The following RAD50 variants were observed in gnomAD, a reference collection of about 807,000 sequenced individuals.
RAD50 encodes RAD50 double strand break repair protein, also known as DNA repair protein RAD50.
A neutral mutation model predicts 168.8 loss-of-function variants in RAD50; 132 were observed. The observed-to-expected ratio is 0.78, with a 90% CI of 0.68 to 0.90. The LOEUF (loss-of-function observed/expected upper bound fraction) is 0.90. Ranked by LOEUF, RAD50 falls within the 40% of genes least tolerant of loss-of-function variation. The pLI is 0.00. For missense variants in RAD50, 1,347 were observed against 1,534.4 expected (o/e 0.88, Z 2.04); for synonymous variants, 525 against 497.4 (o/e 1.06, Z -0.74).
chr5:132,583,085 A>G (rs1750533265), intron 5 of RAD50, among the ~76,000 whole-genome samples: 1 of 152,196 alleles, frequency 6.6e-6, no homozygotes, highest in Non-Finnish European at 1.5e-5. Context: ...GTTAGTATTC[A>G]TTGCTCTTAA....
intron 21 of RAD50, among the ~76,000 whole-genome samples, chr5:132,624,675 G>A (rs1751340251): frequency 1.3e-5 from 2 of 152,004 alleles, no homozygotes; most frequent in African/African-American, 2.4e-5. Flanking sequence ...AAAGTGGGTG[G>A]ATTGCTTAAG....
At chr5:132,617,921 TA>T in intron 20 of RAD50, 148 bp from the exon 21 acceptor site, 1 of 727,238 alleles carries the variant, frequency 1.4e-6, no homozygotes, top group Non-Finnish European at 2.4e-6. Context: ...ACCAAAGCCC[TA>T]AATAATAAGC....
chr5:132,595,455 T>C lies in RAD50; in HGVS notation c.1970-118T>C, dbSNP rs1425686397. 4 of 606,272 alleles carry C rather than the reference T, an allele frequency of 6.6e-6. No individual in the cohort carries two copies. In the African/African-American group the frequency reaches 7.6e-5, roughly 12 times the overall value. The allele number at this position is 606,272 out of a possible 1,614,324, so 37.6% of individuals were successfully genotyped here. On this transcript the variant is annotated intron_variant, in intron 12 of 24. Coordinates refer to ENST00000378823, the MANE Select transcript of RAD50 (RefSeq NM_005732.4). Reference sequence around the variant, plus strand: ...AATATCAGAATTTTTATTTCTTTTATAATATATTTATAAAGCAAGAATAAT... The same window carrying C: ...AATATCAGAATTTTTATTTCTTTTACAATATATTTATAAAGCAAGAATAAT...
At chr5:132,619,832 CTCTCTA>C (rs1360835144) in intron 21 of RAD50, among the ~76,000 whole-genome samples, 10 of 116,292 alleles carry the variant, frequency 8.6e-5, no homozygotes, top group African/African-American at 3.5e-4. Context: ...CTCTCTCTCT[CTCTCTA>C]TATATATATA....
chr5:132,572,336 A>G (rs1261970829), intron 2 of RAD50, among the ~76,000 whole-genome samples: 3 of 152,216 alleles, frequency 2.0e-5, no homozygotes, highest in African/African-American at 7.2e-5. Context: ...AGAACCTTAA[A>G]ATCTTATTAT....
intron 2 of RAD50, among the ~76,000 whole-genome samples, chr5:132,567,702 C>T (rs1430799621): frequency 2.0e-5 from 3 of 152,150 alleles, no homozygotes; most frequent in Non-Finnish European, 1.5e-5. Context: ...TTCTAAAGGT[C>T]ACACAATGCT....
chr5:132,579,137 T>C (rs1750455143), intron 3 of RAD50, among the ~76,000 whole-genome samples, 180 bp from the exon 4 acceptor site: 1 of 152,226 alleles, frequency 6.6e-6, no homozygotes, highest in Non-Finnish European at 1.5e-5. Context: ...TCTTTTCATC[T>C]GTGAACCGTT....
At chr5:132,600,889 TATATC>T (rs961160653) in intron 13 of RAD50, among the ~76,000 whole-genome samples, 1 of 152,218 alleles carries the variant, frequency 6.6e-6, no homozygotes, top group Non-Finnish European at 1.5e-5. Flanking sequence ...ATTGTGTACA[TATATC>T]AGAACATCAC....
chr5:132,639,823 T>C (rs773396783), intron 23 of RAD50, among the ~76,000 whole-genome samples: 9 of 152,160 alleles, frequency 5.9e-5, no homozygotes, highest in Non-Finnish European at 1.2e-4. Context: ...TGCCTGTCCC[T>C]CACAGGGCCA....
chr5:132,605,665 A>G (rs1218511737), intron 16 of RAD50, among the ~76,000 whole-genome samples: 1 of 152,158 alleles, frequency 6.6e-6, no homozygotes, highest in Non-Finnish European at 1.5e-5. Context: ...GCTCTTTATT[A>G]GTGTAATGGC....
intron 3 of RAD50, among the ~76,000 whole-genome samples, chr5:132,578,345 T>C (rs1750436303): frequency 1.3e-5 from 2 of 152,160 alleles, no homozygotes; most frequent in Admixed American, 6.5e-5. Flanking sequence ...CTGAGACCTA[T>C]GAATTTAATC....
chr5:132,624,954 A>G (rs2149856908), intron 21 of RAD50, among the ~76,000 whole-genome samples: 1 of 152,078 alleles, frequency 6.6e-6, no homozygotes, highest in East Asian at 1.9e-4. Context: ...AAAAATGGAT[A>G]TTAAAAGCAA....
intron 5 of RAD50, among the ~76,000 whole-genome samples, chr5:132,581,195 G>A (rs1050213629): frequency 1.3e-5 from 2 of 152,032 alleles, no homozygotes; most frequent in Non-Finnish European, 1.5e-5. Context: ...CTGCCTCCCG[G>A]GTTCAAGCAA....
rs1340276195 is a variant in RAD50, at chr5:132,642,522, A to G, written c.*158A>G. 3 of 729,090 alleles carry G rather than the reference A, an allele frequency of 4.1e-6. No individual in the cohort carries two copies. The East Asian group carries it at 8.1e-5, about 20-fold the overall frequency. 45.2% of individuals were successfully genotyped at this position (729,090 alleles called of 1,614,324 possible). A position where few individuals can be genotyped will look rare whatever the true frequency, so the allele number is the denominator to read the frequency against. On this transcript the variant is annotated 3_prime_UTR_variant, in exon 25 of 25. Coordinates refer to ENST00000378823, the MANE Select transcript of RAD50 (RefSeq NM_005732.4). ...ATGTTGAGAGGTTCTAAAATCATGAAACTTGTTTCACTGAAAATTGGACAG... is the reference window on the plus strand; with the variant it reads ...ATGTTGAGAGGTTCTAAAATCATGAGACTTGTTTCACTGAAAATTGGACAG...
intron 4 of RAD50, 79 bp from the exon 5 acceptor site, chr5:132,579,783 C>A: frequency 8.3e-7 from 1 of 1,210,132 alleles, no homozygotes; most frequent in Non-Finnish European, 1.2e-6. Context: ...ATCTTAGTGA[C>A]AGCATAATAT....
chr5:132,590,436 C>T (rs1750677875), intron 9 of RAD50, among the ~76,000 whole-genome samples: 1 of 152,114 alleles, frequency 6.6e-6, no homozygotes, highest in African/African-American at 2.4e-5. Flanking sequence ...CGCCACTGCT[C>T]TCCAGCCTGG....
chr5:132,613,282 T>C (rs538257528), intron 19 of RAD50, among the ~76,000 whole-genome samples: 2 of 152,284 alleles, frequency 1.3e-5, no homozygotes, highest in East Asian at 3.9e-4. Flanking sequence ...TTTCTCAGTT[T>C]TCAGCTGAAG....
intron 21 of RAD50, among the ~76,000 whole-genome samples, chr5:132,627,193 T>C (rs1751386830): frequency 6.6e-6 from 1 of 152,180 alleles, no homozygotes; most frequent in African/African-American, 2.4e-5. Context: ...AAAAAACTAG[T>C]ATTTATATAA....
In RAD50 at chr5:132,594,956, C is replaced by G. The variant is rs1580996478; in HGVS notation, c.1881C>G (p.Asp627Glu). Residue 627 changes from aspartate (D) to glutamate (E), a missense_variant, in exon 12 of 25, where the codon GAC (aspartate) becomes GAG (glutamate). Physicochemically the swap from Asp to Glu is conservative, Grantham distance 45. This residue lies in a region of RAD50 where 703 missense variants were observed against 767.7 expected (regional missense o/e 0.92). Coordinates refer to ENST00000378823, the MANE Select transcript of RAD50 (RefSeq NM_005732.4). ...RKEEQLSSYE[D>E]KLFDVCGSQD... ...AAGAGCAGTTGTCCAGTTACGAAGA[C>G]AAGCTGTTTGATGTTTGTGGTAGCC... is the stretch of plus-strand genomic sequence containing the variant. 6.2e-7 allele frequency: 1 copy of G among 1,611,762 alleles called. No homozygotes were observed. Among genetic ancestry groups the G allele is most frequent in the Non-Finnish European group, 8.5e-7 (1 of 1,177,850 alleles).
Sources: allele counts gnomAD v4.1 joint callset (sites outside exome capture counted in the v4.1 genomes callset), GRCh38; gene constraint gnomAD v4.1.1; regional missense constraint gnomAD v4.1.1; transcripts MANE v1.5; gene names NCBI Gene and HGNC (gene_info 2026-07-23, HGNC 2026-07-21).